MGAT4C: variants seen among roughly 807,000 people sequenced by gnomAD.
The protein encoded by MGAT4C is MGAT4 family member C, also known as alpha-1,3-mannosyl-glycoprotein 4-beta-N-acetylglucosaminyltransferase C.
A neutral mutation model predicts 40.1 loss-of-function variants in MGAT4C; 19 were observed. The observed-to-expected ratio is 0.47, with a 90% confidence interval of 0.33 to 0.70. The LOEUF (loss-of-function observed/expected upper bound fraction) is 0.70, where lower values mean the gene tolerates loss of function less well. MGAT4C is among the 30% of genes least tolerant of loss of function. MGAT4C has a pLI of 0.02. For synonymous variants in MGAT4C, 181 were observed against 187.1 expected (o/e 0.97, Z 0.27); for missense variants, 491 against 563.2 (o/e 0.87, Z 1.30).
At chr12:86,082,113 AAGAATCCCCTTT>A (rs1870948383) in intron 1 of MGAT4C, among the ~76,000 whole-genome samples, 3 of 152,154 alleles carry the variant, frequency 2.0e-5, no homozygotes, top group African/African-American at 7.2e-5. Context: ...AGCACTTCAT[AAGAATCCCCTTT>A]CAGAAATGTC....
At chr12:86,356,217 C>T (rs1275227715) in intron 3 of MGAT4C, among the ~76,000 whole-genome samples, 3 of 152,080 alleles carry the variant, frequency 2.0e-5, no homozygotes, top group Non-Finnish European at 2.9e-5. Context: ...TACAGTAACA[C>T]CAACACCAAA....
upstream of MGAT4C, among the ~76,000 whole-genome samples, chr12:86,260,237 G>A (rs1228502872): frequency 3.3e-5 from 5 of 152,022 alleles, no homozygotes; most frequent in East Asian, 1.9e-4. Context: ...TTGTAAAAAC[G>A]CTTGTTGTCC....
chr12:86,700,372 A>G (rs1475600752), intron 2 of MGAT4C, among the ~76,000 whole-genome samples: 1 of 152,062 alleles, frequency 6.6e-6, no homozygotes, highest in Non-Finnish European at 1.5e-5. Context: ...ACATAAACAT[A>G]CAGAAGTGAA....
At chr12:86,286,232 C>T (rs1207375886) in intron 4 of MGAT4C, among the ~76,000 whole-genome samples, 1 of 151,912 alleles carries the variant, frequency 6.6e-6, no homozygotes, top group East Asian at 1.9e-4. Context: ...AAAATGCTAG[C>T]CTAGCATGAC....
Position 86,698,748 on chromosome 12 carries a change from A to G in MGAT4C, c.-229+28461T>C, listed in dbSNP as rs139355959. ...AGTTCATTTCAATCACATTCAGTTT[A>G]TTCACTTGGTTTCATTCTGAAGGAA... On this transcript the variant is annotated intron_variant, in intron 2 of 7. Transcript: ENST00000548651. Among the ~76,000 whole-genome samples, 806 of 152,134 alleles carry G rather than the reference A, an allele frequency of 5.3e-3. 3 individuals are homozygous for G. The highest frequency in any genetic ancestry group is 9.0e-3 in the Non-Finnish European group (615 of 67,962).
chr12:86,143,872 G>T (rs1241919511), intron 1 of MGAT4C, among the ~76,000 whole-genome samples: 3 of 152,206 alleles, frequency 2.0e-5, no homozygotes, highest in Non-Finnish European at 2.9e-5. Context: ...CTAACATGTT[G>T]AGGGTAGAGA....
In MGAT4C at chr12:86,166,164, C is replaced by A. The variant is rs1462425325; in HGVS notation, c.-57+90075G>T. ...TGAAAATTGAGGAACAAGTAGACCA[C>A]ATATATAGAAGTATAGTCAACTGTA... On this transcript the variant is annotated intron_variant, in intron 1 of 4. Coordinates refer to ENST00000611864, the MANE Select transcript of MGAT4C (RefSeq NM_001351288.2). Among the ~76,000 whole-genome samples the A allele has an allele frequency of 7.2e-5, 11 of 152,052 alleles. 1 individual carries two copies.
At chr12:86,568,943 A>G (rs541908309) in intron 2 of MGAT4C, among the ~76,000 whole-genome samples, 42 of 152,106 alleles carry the variant, frequency 2.8e-4, no homozygotes, top group African/African-American at 9.9e-4. Context: ...TGAATTAAAA[A>G]CTAGCTGAAA....
intron 2 of MGAT4C, among the ~76,000 whole-genome samples, chr12:86,000,509 A>C (rs1887179510): frequency 6.6e-6 from 1 of 152,150 alleles, no homozygotes; most frequent in Admixed American, 6.5e-5. Flanking sequence ...CTATTAATAA[A>C]ATTGAATAAG....
chr12:86,824,787 G>GT (rs944322118), intron 1 of MGAT4C, among the ~76,000 whole-genome samples: 3 of 145,438 alleles, frequency 2.1e-5, no homozygotes, highest in Admixed American at 6.9e-5. Context: ...AAAAATACAA[G>GT]TTTTTTATAT....
At chr12:86,655,779 C>CCTGT (rs774869965) in intron 2 of MGAT4C, among the ~76,000 whole-genome samples, 22 of 152,070 alleles carry the variant, frequency 1.4e-4, no homozygotes, top group Non-Finnish European at 2.9e-4. Context: ...CGTTTCAAAT[C>CCTGT]CTGTCTGTCA....
intron 2 of MGAT4C, among the ~76,000 whole-genome samples, chr12:86,010,132 A>T (rs941944763): frequency 3.9e-4 from 59 of 152,226 alleles, no homozygotes; most frequent in Admixed American, 3.9e-3. Context: ...TTAAAAATAC[A>T]AGAAGATAGA....
intron 2 of MGAT4C, among the ~76,000 whole-genome samples, chr12:86,506,893 G>A (rs997742579): frequency 4.6e-5 from 7 of 152,096 alleles, no homozygotes; most frequent in African/African-American, 1.2e-4. Flanking sequence ...AATCTTCTTC[G>A]TAAGTTTCCT....
intron 2 of MGAT4C, among the ~76,000 whole-genome samples, chr12:86,039,756 G>C (rs1891620273): frequency 6.6e-6 from 1 of 152,054 alleles, no homozygotes; most frequent in South Asian, 2.1e-4. Context: ...ATCCAATTTT[G>C]TTCCCTTGCT....
At chr12:86,608,980 T>C (rs1322195194) in intron 2 of MGAT4C, among the ~76,000 whole-genome samples, 1 of 151,978 alleles carries the variant, frequency 6.6e-6, no homozygotes, top group East Asian at 1.9e-4. Context: ...AATGTAGAGA[T>C]GAAAGCATAG....
chr12:86,522,785 G>A (rs547777518), intron 2 of MGAT4C, among the ~76,000 whole-genome samples: 18 of 152,068 alleles, frequency 1.2e-4, no homozygotes, highest in South Asian at 4.2e-4. Flanking sequence ...GCTCATTATC[G>A]GTGTGTTCAA....
intron 2 of MGAT4C, among the ~76,000 whole-genome samples, chr12:86,595,706 T>C (rs1384232539): frequency 6.6e-6 from 1 of 152,188 alleles, no homozygotes; most frequent in Non-Finnish European, 1.5e-5. Flanking sequence ...ATAACAAGTA[T>C]TTTAACAAAG....
chr12:86,371,081 G>A (rs1316744224), intron 3 of MGAT4C, among the ~76,000 whole-genome samples: 2 of 151,982 alleles, frequency 1.3e-5, no homozygotes, highest in African/African-American at 4.8e-5. Flanking sequence ...TAATAAAATT[G>A]TAAAAGGTGC....
intron 1 of MGAT4C, among the ~76,000 whole-genome samples, chr12:86,226,973 A>T (rs1254069854): frequency 6.6e-6 from 1 of 151,826 alleles, no homozygotes; most frequent in Admixed American, 6.6e-5. Context: ...TTATCACTTC[A>T]CTTTGTCTTT....
Sources: gnomAD v4.1 joint callset for allele counts (sites outside exome capture counted in the v4.1 genomes callset) on GRCh38, gnomAD v4.1.1 for gene constraint, MANE v1.5 for transcripts, NCBI Gene and HGNC (gene_info 2026-07-23, HGNC 2026-07-21) for gene names.